The following RAB28 variants were observed in gnomAD, a reference collection of about 807,000 sequenced individuals.
The protein encoded by RAB28 is ras-related protein Rab-28.
RAB28 carries 24 observed loss-of-function variants against 31.7 expected under a neutral mutation model. The ratio of observed to expected loss-of-function variants is 0.76; its 90% CI spans 0.55 to 1.06. The LOEUF is 1.06. Among genes scored for constraint, RAB28 ranks in the 50% least tolerant of loss-of-function variants. The probability of loss-of-function intolerance (pLI) is 0.00; values close to 1 mark genes in which losing one functional copy is unlikely to be tolerated. For synonymous variants in RAB28, 100 were observed against 90.4 expected (o/e 1.11, Z -0.60); for missense variants, 254 against 258.5 (o/e 0.98, Z 0.12).
intron 4 of RAB28, among the ~76,000 whole-genome samples, chr4:13,426,430 A>G (rs898246269): frequency 6.6e-6 from 1 of 152,146 alleles, no homozygotes; most frequent in Non-Finnish European, 1.5e-5. Context: ...CTTTCAAAAG[A>G]CCTCAAAGCA....
In RAB28 at chr4:13,463,816, C is replaced by T. The variant is rs117800086; in HGVS notation, c.262-2988G>A. Among the ~76,000 whole-genome samples the T allele has an allele frequency of 5.7e-3, 865 of 151,606 alleles. 8 individuals carry two copies. The highest frequency in any genetic ancestry group is 0.021 in the South Asian group (100 of 4,798). Reference sequence around the variant, plus strand: ...GTACCACTGTGGTGAAATTCTGAGACGAAAAAGTGAGAAAACTAAAAATAT... The same window carrying T: ...GTACCACTGTGGTGAAATTCTGAGATGAAAAAGTGAGAAAACTAAAAATAT... On this transcript the variant is annotated intron_variant, in intron 3 of 6. Transcript: ENST00000330852.
At chr4:13,448,463 C>A (rs2108948564) in intron 4 of RAB28, among the ~76,000 whole-genome samples, 1 of 152,090 alleles carries the variant, frequency 6.6e-6, no homozygotes, top group African/African-American at 2.4e-5. Context: ...GAAAACATAA[C>A]CACAAAAACC....
At chr4:13,404,342 C>G (rs892492434) in intron 4 of RAB28, among the ~76,000 whole-genome samples, 1 of 152,108 alleles carries the variant, frequency 6.6e-6, no homozygotes, top group Admixed American at 6.5e-5. Flanking sequence ...CACACCATTG[C>G]ACTCCAGCCT....
chr4:13,374,582 G>T (rs1331439975), intron 6 of RAB28, among the ~76,000 whole-genome samples: 1 of 151,972 alleles, frequency 6.6e-6, no homozygotes, highest in African/African-American at 2.4e-5. Flanking sequence ...CCAATCATTG[G>T]GTTTCTCCTG....
At chr4:13,424,593 C>T (rs1489507499) in intron 4 of RAB28, among the ~76,000 whole-genome samples, 1 of 152,144 alleles carries the variant, frequency 6.6e-6, no homozygotes, top group East Asian at 1.9e-4. Flanking sequence ...TGGAAGGAGA[C>T]AATTCAACCC....
intron 4 of RAB28, chr4:13,459,835 A>G: frequency 7.8e-7 from 1 of 1,277,366 alleles, no homozygotes; most frequent in African/African-American, 1.5e-5. Flanking sequence ...GCATCGCTCA[A>G]AACCTCTGGG....
chr4:13,479,400 C>T, intron 2 of RAB28, 30 bp downstream of exon 2: 1 of 1,483,138 alleles, frequency 6.7e-7, no homozygotes, highest in African/African-American at 1.4e-5. Flanking sequence ...TTTTTATAAT[C>T]TTCTACGTTA....
intron 4 of RAB28, among the ~76,000 whole-genome samples, chr4:13,450,811 T>TA (rs1193479654): frequency 6.6e-6 from 1 of 151,678 alleles, no homozygotes; most frequent in Non-Finnish European, 1.5e-5. Context: ...AGAGGGAAAA[T>TA]CATTTCAAGC....
At position 13,367,903 on chromosome 4, in the gene RAB28, A is replaced by G; in HGVS notation, c.*655T>C. ...AGCCTTCAAACCTGAGTATTACACA[A>G]TACATAACGACAACGATACAGTAAT... is the stretch of plus-strand genomic sequence containing the variant. On this transcript the variant is annotated 3_prime_UTR_variant, in exon 7 of 7. Transcript: ENST00000330852. 1.0e-6 allele frequency: 1 copy of G among 983,730 alleles called. No homozygotes were observed. The highest frequency in any genetic ancestry group is 1.2e-6 in the Non-Finnish European group (1 of 828,368). 60.9% of individuals were successfully genotyped at this position (983,730 alleles called of 1,614,324 possible).
intron 4 of RAB28, among the ~76,000 whole-genome samples, chr4:13,402,284 T>C (rs1412214118): frequency 6.6e-6 from 1 of 152,234 alleles, no homozygotes; most frequent in Non-Finnish European, 1.5e-5. Flanking sequence ...TCTATATCCC[T>C]ACTGATTCTC....
chr4:13,380,145 TG>T (rs1369639359), intron 5 of RAB28, among the ~76,000 whole-genome samples: 8 of 152,118 alleles, frequency 5.3e-5, no homozygotes, highest in Non-Finnish European at 1.2e-4. Context: ...TAAAAAGGCA[TG>T]GATGGGTGAG....
intron 4 of RAB28, among the ~76,000 whole-genome samples, chr4:13,404,590 A>G (rs1711964331): frequency 6.6e-6 from 1 of 152,124 alleles, no homozygotes; most frequent in South Asian, 2.1e-4. Context: ...AAAATCCTGA[A>G]GAAAGAAGGA....
chr4:13,381,801 T>C (rs1729142850), intron 4 of RAB28, among the ~76,000 whole-genome samples: 1 of 152,150 alleles, frequency 6.6e-6, no homozygotes, highest in Non-Finnish European at 1.5e-5. Context: ...TGTAGAGAGT[T>C]ATTTGATAAT....
rs539597344 is a variant in RAB28, at chr4:13,368,235, T to G, written c.*323A>C. On this transcript the variant is annotated 3_prime_UTR_variant, in exon 7 of 7. Coordinates refer to ENST00000330852, the MANE Select transcript of RAB28 (RefSeq NM_001017979.3). ...ATGATCAAGACTTGGAGAGTTTTCA[T>G]ATTAAGTTAAAAAAATTTACATCAA... The G allele has an allele frequency of 2.3e-3, 2,342 of 1,008,036 alleles. 2 individuals carry two copies. The highest frequency in any genetic ancestry group is 2.7e-3 in the Non-Finnish European group (2,257 of 845,256). The allele number at this position is 1,008,036 out of a possible 1,614,324, so 62.4% of individuals were successfully genotyped here. A position where few individuals can be genotyped will look rare whatever the true frequency, so the allele number is the denominator to read the frequency against.
chr4:13,402,112 C>T (rs1366951301), intron 4 of RAB28, among the ~76,000 whole-genome samples: 2 of 152,202 alleles, frequency 1.3e-5, no homozygotes, highest in Non-Finnish European at 2.9e-5. Flanking sequence ...TCAGAGAAGA[C>T]ATTAAATTCT....
intron 3 of RAB28, 141 bp downstream of exon 3, chr4:13,474,177 A>T (rs1157596776): frequency 9.1e-6 from 7 of 770,528 alleles, no homozygotes; most frequent in Non-Finnish European, 1.6e-5. Context: ...AAGAACTAGC[A>T]CAAATATAAA....
At chr4:13,434,283 GA>G (rs138143370) in intron 4 of RAB28, among the ~76,000 whole-genome samples, 5,145 of 152,214 alleles carry the variant, frequency 0.034, 126 homozygotes, top group Middle Eastern at 0.078. Flanking sequence ...GCCCATTTAA[GA>G]AACCTACACA....
At chr4:13,425,488 A>G (rs1713425315) in intron 4 of RAB28, among the ~76,000 whole-genome samples, 1 of 152,300 alleles carries the variant, frequency 6.6e-6, no homozygotes, top group East Asian at 1.9e-4. Context: ...CAACATTGGT[A>G]TATTCAATCT....
chr4:13,369,944 C>T (rs765484774), intron 6 of RAB28: 9 of 1,611,850 alleles, frequency 5.6e-6, no homozygotes, highest in South Asian at 1.1e-5. Flanking sequence ...GGGTACTTCA[C>T]TATTTCTGCC....
Sources: gnomAD v4.1 joint callset for allele counts (sites outside exome capture counted in the v4.1 genomes callset) on GRCh38, gnomAD v4.1.1 for gene constraint, MANE v1.5 for transcripts, NCBI Gene and HGNC (gene_info 2026-07-23, HGNC 2026-07-21) for gene names.